Variants in MAL2 observed in about 807,000 individuals in gnomAD.
MAL2 encodes protein MAL2.
A neutral mutation model predicts 18.1 loss-of-function variants in MAL2; 17 were observed. That is an observed-to-expected ratio of 0.94 (90% confidence interval 0.64 to 1.41). MAL2 has a LOEUF of 1.41. Among genes scored for constraint, MAL2 ranks in the 40% most tolerant of loss-of-function variants. MAL2 has a pLI of 0.00. For synonymous variants in MAL2, 102 were observed against 102.3 expected (o/e 1.00, Z 0.02); for missense variants, 222 against 231.9 (o/e 0.96, Z 0.28).
chr8:119,221,968 G>A (rs1817472733), intron 2 of MAL2, among the ~76,000 whole-genome samples: 1 of 152,004 alleles, frequency 6.6e-6, no homozygotes, highest in South Asian at 2.1e-4. Flanking sequence ...ATAGAGCTGA[G>A]AAATAATTGT....
chr8:119,244,705 A>G lies in MAL2; in HGVS notation c.*1217A>G, dbSNP rs930502985. The G allele has an allele frequency of 6.6e-6, 1 of 152,210 alleles. No homozygotes were observed. Among genetic ancestry groups the G allele is most frequent in the Admixed American group, 6.6e-5 (1 of 15,256 alleles). 9.4% of individuals were successfully genotyped at this position (152,210 alleles called of 1,614,324 possible). Reference sequence around the variant, plus strand: ...TATGTGTTTTTGTATTAGCCCAGACATCTGTAATGTTTTTGCACTGGTGAC... The same window carrying G: ...TATGTGTTTTTGTATTAGCCCAGACGTCTGTAATGTTTTTGCACTGGTGAC... On this transcript the variant is annotated 3_prime_UTR_variant, in exon 4 of 4. Coordinates refer to ENST00000614891, the MANE Select transcript of MAL2 (RefSeq NM_052886.3).
chr8:119,232,601 G>A (rs1018818162), intron 2 of MAL2, among the ~76,000 whole-genome samples: 8 of 152,084 alleles, frequency 5.3e-5, no homozygotes, highest in Non-Finnish European at 1.2e-4. Context: ...AGTTTTTAAT[G>A]AAATATATGA....
chr8:119,220,637 A>C (rs1016954834), intron 1 of MAL2, among the ~76,000 whole-genome samples: 1 of 152,088 alleles, frequency 6.6e-6, no homozygotes, highest in African/African-American at 2.4e-5. Flanking sequence ...CCACCAGCAC[A>C]TGCCCCTCCT....
chr8:119,213,742 C>T (rs1817300948), intron 1 of MAL2, among the ~76,000 whole-genome samples: 1 of 152,128 alleles, frequency 6.6e-6, no homozygotes. Context: ...TTGCTTGAAC[C>T]TGGGAGGCAG....
In MAL2 at chr8:119,234,126, G is replaced by C. The variant is rs1181675246; in HGVS notation, c.304-6039G>C. ...CGCACCGTGCGCGAGCCGAAGCAGG[G>C]CGAGGCATTGCCTCACTTGGGAAGC... On this transcript the variant is annotated intron_variant, in intron 2 of 3. Transcript: ENST00000614891. Among the ~76,000 whole-genome samples the C allele has an allele frequency of 2.0e-5, 3 of 152,224 alleles. No individual in the cohort carries two copies. In the South Asian group the frequency reaches 6.2e-4, roughly 31 times the overall value.
rs187569638 is a variant in MAL2 at position 119,224,720 on chromosome 8, A to G, written c.303+2963A>G. Among the ~76,000 whole-genome samples, 43 of 152,136 alleles carry G rather than the reference A, an allele frequency of 2.8e-4. 1 individual carries two copies. The highest frequency in any genetic ancestry group is 5.9e-4 in the Admixed American group (9 of 15,294). On this transcript the variant is annotated intron_variant, in intron 2 of 3. Transcript: ENST00000614891. Reference sequence around the variant, plus strand: ...CTCCCCACCCACTCCTGAGTCTCCAATGTCCATTATACCACTCTGTATGCC... The same window carrying G: ...CTCCCCACCCACTCCTGAGTCTCCAGTGTCCATTATACCACTCTGTATGCC...
intron 2 of MAL2, among the ~76,000 whole-genome samples, chr8:119,234,230 C>T (rs1310395385): frequency 2.6e-5 from 4 of 152,132 alleles, no homozygotes; most frequent in Non-Finnish European, 4.4e-5. Context: ...CACTCCCACC[C>T]GAATATTGCA....
chr8:119,240,200 T>A lies in MAL2; in HGVS notation c.339T>A (p.Tyr113Ter). ...ACCATTTTACAGTATTTGTCTTCTA[T>A]TTTGGAGCCTTTTTATTGGAAGCAG... ...FAYHFTVFVF[Y>*]FGAFLLEAAA... The change falls in exon 3 of 4, where the codon TAT becomes TAA. Residue 113 changes from tyrosine (Y) to a stop codon, truncating the protein, a stop_gained. Coordinates refer to ENST00000614891, the MANE Select transcript of MAL2 (RefSeq NM_052886.3). LOFTEE classifies it high-confidence loss of function. 1 of 1,613,834 alleles carries A rather than the reference T, an allele frequency of 6.2e-7. No homozygotes were observed. Among genetic ancestry groups the A allele is most frequent in the Non-Finnish European group, 8.5e-7 (1 of 1,179,810 alleles).
At chr8:119,237,105 A>T (rs180890527) in intron 2 of MAL2, among the ~76,000 whole-genome samples, 1 of 152,342 alleles carries the variant, frequency 6.6e-6, no homozygotes, top group Non-Finnish European at 1.5e-5. Context: ...GACAAAGGGG[A>T]TATCAGCACC....
Position 119,243,688 on chromosome 8 carries a change from A to AT in MAL2, c.*204dup, listed in dbSNP as rs1435788535. The AT allele has an allele frequency of 5.0e-6, 2 of 401,908 alleles. No individual in the cohort carries two copies. Among genetic ancestry groups the AT allele is most frequent in the African/African-American group, 4.1e-5 (2 of 48,396 alleles). The allele number at this position is 401,908 out of a possible 1,614,324, so 24.9% of individuals were successfully genotyped here. On this transcript the variant is annotated 3_prime_UTR_variant, in exon 4 of 4. Transcript: ENST00000614891. ...TATGATATTAAAGAAATGGCCTTTT[A>AT]TTTTACATCTCTCCCCTTTTTCCCT...
chr8:119,222,830 A>G (rs1817495743), intron 2 of MAL2, among the ~76,000 whole-genome samples: 1 of 76,180 alleles, frequency 1.3e-5, no homozygotes, highest in African/African-American at 4.1e-5. Flanking sequence ...CTTGTCTCTC[A>G]AAAAAAAAAA....
intron 3 of MAL2, among the ~76,000 whole-genome samples, chr8:119,241,189 G>C (rs1818040651): frequency 6.6e-6 from 1 of 152,108 alleles, no homozygotes; most frequent in African/African-American, 2.4e-5. Flanking sequence ...TGTAAGTGCT[G>C]TCCAAAATGG....
intron 2 of MAL2, among the ~76,000 whole-genome samples, chr8:119,226,630 CAATTAA>C (rs1817601868): frequency 3.1e-5 from 1 of 31,790 alleles, no homozygotes; most frequent in Non-Finnish European, 1.4e-4. Flanking sequence ...CACATGAAGG[CAATTAA>C]GAAAGTGAAG....
At chr8:119,232,561 T>A (rs1316987032) in intron 2 of MAL2, among the ~76,000 whole-genome samples, 1 of 152,206 alleles carries the variant, frequency 6.6e-6, no homozygotes, top group Admixed American at 6.5e-5. Context: ...AACGAGTTCT[T>A]ATACTTTTGG....
Position 119,208,698 on chromosome 8 carries a change from C to A in MAL2, c.132+94C>A. ...GGCTGTCTTCCTCTGCGTCCGCCCC[C>A]GGCCTCCTTCCCTTCGACGTGGCTT... On this transcript the variant is annotated intron_variant, in intron 1 of 3. Coordinates refer to ENST00000614891, the MANE Select transcript of MAL2 (RefSeq NM_052886.3). The surrounding 1 kb of genome is among the most constrained non-coding windows in gnomAD (Gnocchi z 4.3). 8.3e-7 allele frequency: 1 copy of A among 1,210,608 alleles called. No homozygotes were observed. Among genetic ancestry groups the A allele is most frequent in the South Asian group, 3.9e-5 (1 of 25,466 alleles). The allele number at this position is 1,210,608 out of a possible 1,614,324, so 75.0% of individuals were successfully genotyped here. A position where few individuals can be genotyped will look rare whatever the true frequency, so the allele number is the denominator to read the frequency against.
intron 3 of MAL2, among the ~76,000 whole-genome samples, chr8:119,242,029 T>C (rs1468051051): frequency 6.6e-6 from 1 of 152,158 alleles, no homozygotes; most frequent in Non-Finnish European, 1.5e-5. Context: ...TTCAGGGACT[T>C]TCCTATGCTA....
At chr8:119,212,047 A>G (rs903359169) in intron 1 of MAL2, among the ~76,000 whole-genome samples, 2 of 152,228 alleles carry the variant, frequency 1.3e-5, no homozygotes, top group African/African-American at 4.8e-5. Context: ...GTATAGTCAC[A>G]AAAGTAACTA....
intron 3 of MAL2, 46 bp from the exon 4 acceptor site, chr8:119,243,371 G>C: frequency 6.8e-7 from 1 of 1,460,800 alleles, no homozygotes. Flanking sequence ...CTGTTTATAA[G>C]TCGGTGTTGT....
intron 2 of MAL2, among the ~76,000 whole-genome samples, chr8:119,234,419 C>G (rs1051362249): frequency 6.6e-6 from 1 of 152,222 alleles, no homozygotes; most frequent in Non-Finnish European, 1.5e-5. Context: ...CTTAGGTAAA[C>G]AAAGCAGCCC....
Sources: gnomAD v4.1 joint callset for allele counts (sites outside exome capture counted in the v4.1 genomes callset) on GRCh38, gnomAD v4.1.1 for gene constraint, Gnocchi (gnomAD v3.1) non-coding constraint, MANE v1.5 for transcripts, NCBI Gene and HGNC (gene_info 2026-07-23, HGNC 2026-07-21) for gene names.